The following C8orf34 variants were observed in gnomAD, a reference collection of about 807,000 sequenced individuals.
C8orf34 encodes uncharacterized protein C8orf34.
A neutral mutation model predicts 68.3 loss-of-function variants in C8orf34; 65 were observed. The ratio of observed to expected loss-of-function variants is 0.95; its 90% CI spans 0.78 to 1.17. C8orf34 has a LOEUF of 1.17. C8orf34 is among the 50% of genes most tolerant of loss of function. The pLI is 0.00. For synonymous variants in C8orf34, 244 were observed against 241.2 expected (o/e 1.01, Z -0.11); for missense variants, 664 against 655.4 (o/e 1.01, Z -0.14).
intron 5 of C8orf34, among the ~76,000 whole-genome samples, chr8:68,495,562 A>G (rs894678559): frequency 1.6e-4 from 24 of 152,356 alleles, no homozygotes; most frequent in African/African-American, 5.0e-4. Flanking sequence ...AAGAAAATAG[A>G]AGTGGAGCAC....
At chr8:68,639,208 T>A (rs1350665304) in intron 7 of C8orf34, among the ~76,000 whole-genome samples, 1 of 152,096 alleles carries the variant, frequency 6.6e-6, no homozygotes, top group East Asian at 1.9e-4. Context: ...GGAATAAGCC[T>A]TGGTAACCAG....
intron 10 of C8orf34, among the ~76,000 whole-genome samples, chr8:68,747,691 C>T (rs1358256781): frequency 6.6e-6 from 1 of 151,954 alleles, no homozygotes; most frequent in East Asian, 1.9e-4. Context: ...ATGTGAAGGA[C>T]CTCTTCAAGG....
chr8:68,707,374 G>A (rs972938156), intron 8 of C8orf34, among the ~76,000 whole-genome samples: 1 of 152,098 alleles, frequency 6.6e-6, no homozygotes, highest in Non-Finnish European at 1.5e-5. Flanking sequence ...CTTCAACTGA[G>A]CTATATTAAA....
intron 12 of C8orf34, among the ~76,000 whole-genome samples, chr8:68,796,072 C>G (rs1824169777): frequency 6.6e-6 from 1 of 152,170 alleles, no homozygotes; most frequent in Admixed American, 6.5e-5. Context: ...GCTAGGCTGC[C>G]TGGTTCACAG....
chr8:68,355,866 C>T lies in C8orf34; in HGVS notation c.327+24527C>T, dbSNP rs544536246. Among the ~76,000 whole-genome samples the T allele has an allele frequency of 8.5e-5, 13 of 152,272 alleles. No homozygotes were observed. The South Asian group carries it at 1.2e-3, about 15-fold the overall frequency. ...AATATGTCCTATCATCTCAGAGAGG[C>T]AACTTGGATCACCCTTAAATAGCAC... On this transcript the variant is annotated intron_variant, in intron 1 of 13. Transcript: ENST00000518698.
At chr8:68,433,716 G>C (rs1251821742) in intron 1 of C8orf34, among the ~76,000 whole-genome samples, 3 of 152,156 alleles carry the variant, frequency 2.0e-5, no homozygotes, top group Non-Finnish European at 1.5e-5. Context: ...GTGCGCCCAA[G>C]TGCTCTTTTG....
intron 9 of C8orf34, among the ~76,000 whole-genome samples, chr8:68,716,510 A>G (rs189778357): frequency 1.3e-5 from 2 of 152,218 alleles, no homozygotes; most frequent in South Asian, 2.1e-4. Flanking sequence ...AGGAAACACA[A>G]AAGTCCAACA....
intron 1 of C8orf34, among the ~76,000 whole-genome samples, chr8:68,409,455 A>G (rs902979372): frequency 6.6e-6 from 1 of 152,190 alleles, no homozygotes; most frequent in Non-Finnish European, 1.5e-5. Flanking sequence ...AAAATTTTAA[A>G]ACATGAGAAA....
intron 8 of C8orf34, among the ~76,000 whole-genome samples, chr8:68,673,699 G>A (rs1021411638): frequency 1.3e-5 from 2 of 152,126 alleles, no homozygotes; most frequent in Non-Finnish European, 2.9e-5. Context: ...CATGGGACTG[G>A]CAGTAACTCA....
At position 68,702,304 on chromosome 8, in the gene C8orf34, A is replaced by G. The variant is rs942178539; in HGVS notation, c.1242-6690A>G. 2.6e-5 allele frequency among the ~76,000 whole-genome samples: 4 copies of G among 152,178 alleles called. No homozygotes were observed. In the South Asian group the frequency reaches 6.2e-4, roughly 24 times the overall value. On this transcript the variant is annotated intron_variant, in intron 8 of 13. Transcript: ENST00000518698. ...CCAAATACCCTCCTAGATTTTACCA[A>G]TCCAAAGATGAATATTATGTTTTTA...
At chr8:68,578,897 CCT>C (rs1191137158) in intron 7 of C8orf34, among the ~76,000 whole-genome samples, 1 of 152,062 alleles carries the variant, frequency 6.6e-6, no homozygotes, top group Non-Finnish European at 1.5e-5. Context: ...AATGACAATT[CCT>C]AGCCATACTC....
chr8:68,336,599 T>G (rs2129617840), intron 1 of C8orf34, among the ~76,000 whole-genome samples: 1 of 152,248 alleles, frequency 6.6e-6, no homozygotes, highest in East Asian at 1.9e-4. Context: ...TTGTATGTAT[T>G]TACATATACT....
intron 4 of C8orf34, among the ~76,000 whole-genome samples, chr8:68,474,199 G>A (rs1347232530): frequency 4.6e-5 from 7 of 152,004 alleles, no homozygotes. Flanking sequence ...ATCTCCACTT[G>A]GCTATCCCAA....
At chr8:68,762,329 TA>T (rs142104757) in intron 10 of C8orf34, among the ~76,000 whole-genome samples, 2,200 of 152,274 alleles carry the variant, frequency 0.014, 48 homozygotes, top group African/African-American at 0.047. Flanking sequence ...GCAGTGACCA[TA>T]AGATGATTTA....
chr8:68,377,184 G>A (rs1156648224), intron 1 of C8orf34, among the ~76,000 whole-genome samples: 3 of 152,034 alleles, frequency 2.0e-5, no homozygotes, highest in African/African-American at 4.8e-5. Context: ...TTGAACTCAG[G>A]AGTTCAAGAC....
chr8:68,478,130 T>G (rs1812701305), intron 4 of C8orf34, among the ~76,000 whole-genome samples: 1 of 152,242 alleles, frequency 6.6e-6, no homozygotes, highest in Non-Finnish European at 1.5e-5. Context: ...AATGGGTTTT[T>G]CTTTTCTACC....
intron 7 of C8orf34, among the ~76,000 whole-genome samples, chr8:68,613,505 G>A (rs1033268397): frequency 6.5e-5 from 9 of 139,334 alleles, no homozygotes; most frequent in East Asian, 4.1e-4. Flanking sequence ...TGTTCTCATC[G>A]TTCAATTCCC....
intron 12 of C8orf34, among the ~76,000 whole-genome samples, chr8:68,809,544 G>A (rs1186267257): frequency 6.6e-6 from 1 of 152,110 alleles, no homozygotes; most frequent in African/African-American, 2.4e-5. Flanking sequence ...GAGAGGCTGA[G>A]GCAAGAGCCC....
intron 5 of C8orf34, among the ~76,000 whole-genome samples, chr8:68,492,578 A>G (rs1388223349): frequency 6.6e-6 from 1 of 151,948 alleles, no homozygotes; most frequent in Non-Finnish European, 1.5e-5. Context: ...GCTGACATCT[A>G]TCTCTTATGC....
Sources: gnomAD v4.1 joint callset for allele counts (sites outside exome capture counted in the v4.1 genomes callset) on GRCh38, gnomAD v4.1.1 for gene constraint, MANE v1.5 for transcripts, NCBI Gene and HGNC (gene_info 2026-07-23, HGNC 2026-07-21) for gene names.